The following PACRG variants were observed in gnomAD, a reference collection of about 807,000 sequenced individuals.
The protein encoded by PACRG is parkin coregulated gene protein.
A neutral mutation model predicts 29.7 loss-of-function variants in PACRG; 29 were observed. The observed-to-expected ratio is 0.98, with a 90% CI of 0.73 to 1.33. PACRG has a LOEUF of 1.33. PACRG is among the 40% of genes most tolerant of loss of function. PACRG has a pLI of 0.00. For missense variants in PACRG, 279 were observed against 316.2 expected, an observed-to-expected ratio of 0.88 and a Z score of 0.89; for synonymous variants, 116 against 118.7, an observed-to-expected ratio of 0.98 and a Z score of 0.15.
chr6:163,258,142 G>C (rs924572204), intron 4 of PACRG, among the ~76,000 whole-genome samples: 10 of 151,956 alleles, frequency 6.6e-5, no homozygotes, highest in African/African-American at 2.4e-4. Flanking sequence ...TATCCATTAA[G>C]CACAATATGG....
chr6:162,787,551 ATG>A (rs1440543339), intron 1 of PACRG, among the ~76,000 whole-genome samples: 10 of 130,062 alleles, frequency 7.7e-5, no homozygotes, highest in Non-Finnish European at 1.4e-4. Context: ...GTATATATAT[ATG>A]GTTATTGTGT....
chr6:162,776,939 G>A (rs934606467), intron 1 of PACRG, among the ~76,000 whole-genome samples: 1 of 152,108 alleles, frequency 6.6e-6, no homozygotes, highest in Non-Finnish European at 1.5e-5. Flanking sequence ...GGAAAGGGTG[G>A]CAGGGGGATG....
intron 1 of PACRG, among the ~76,000 whole-genome samples, chr6:162,765,329 A>G (rs4709649): frequency 0.029 from 4,367 of 152,170 alleles, 82 homozygotes; most frequent in South Asian, 0.045. Context: ...ACCCTTGAAA[A>G]CATTTTACTC....
intron 2 of PACRG, among the ~76,000 whole-genome samples, chr6:162,988,389 G>A (rs963139261): frequency 2.0e-5 from 3 of 152,164 alleles, no homozygotes; most frequent in African/African-American, 4.8e-5. Flanking sequence ...TGGGACGCTT[G>A]AGTTGAGGAG....
At chr6:163,207,206 A>G (rs1251159242) in intron 4 of PACRG, among the ~76,000 whole-genome samples, 1 of 152,190 alleles carries the variant, frequency 6.6e-6, no homozygotes, top group Non-Finnish European at 1.5e-5. Context: ...CTTACTAAGA[A>G]AGCAAGCTTT....
chr6:163,050,147 A>G (rs542683987), intron 2 of PACRG, among the ~76,000 whole-genome samples: 1 of 152,172 alleles, frequency 6.6e-6, no homozygotes, highest in African/African-American at 2.4e-5. Context: ...TTTTCTCTCC[A>G]TATTTTTTCC....
At chr6:163,120,910 G>A (rs1392767411) in intron 4 of PACRG, among the ~76,000 whole-genome samples, 1 of 152,128 alleles carries the variant, frequency 6.6e-6, no homozygotes. Context: ...CTAGACCCTA[G>A]CTATACATTC....
intron 3 of PACRG, among the ~76,000 whole-genome samples, chr6:163,085,130 CA>C (rs752615097): frequency 1.3e-5 from 2 of 152,004 alleles, no homozygotes; most frequent in Non-Finnish European, 2.9e-5. Flanking sequence ...TTCATAGTGT[CA>C]ACAGAACAGC....
chr6:163,114,286 A>G (rs2128321118), intron 4 of PACRG, among the ~76,000 whole-genome samples: 1 of 152,336 alleles, frequency 6.6e-6, no homozygotes, highest in South Asian at 2.1e-4. Flanking sequence ...GAAAAGGGTG[A>G]GGGTGCTGTT....
At chr6:162,988,371 G>T (rs954235025) in intron 2 of PACRG, among the ~76,000 whole-genome samples, 2 of 152,190 alleles carry the variant, frequency 1.3e-5, no homozygotes, top group Non-Finnish European at 2.9e-5. Context: ...TTCAGCATAG[G>T]TGAAAGCTGG....
chr6:162,947,510 CTATA>C (rs1363527920), intron 2 of PACRG, among the ~76,000 whole-genome samples: 1 of 105,694 alleles, frequency 9.5e-6, no homozygotes, highest in African/African-American at 3.7e-5. Context: ...TATATATAAT[CTATA>C]TATATAATCA....
intron 4 of PACRG, among the ~76,000 whole-genome samples, chr6:163,287,423 G>A (rs62428019): frequency 1.5e-3 from 225 of 152,106 alleles, no homozygotes; most frequent in African/African-American, 5.2e-3. Context: ...AGCCTTCGCC[G>A]CCACGTTTGT....
At chr6:163,174,616 A>G (rs1173135275) in intron 4 of PACRG, among the ~76,000 whole-genome samples, 2 of 152,262 alleles carry the variant, frequency 1.3e-5, no homozygotes, top group Non-Finnish European at 2.9e-5. Flanking sequence ...TTTAAGGACC[A>G]TCGCAGGAGA....
At chr6:162,883,763 T>G (rs1303143897) in intron 2 of PACRG, among the ~76,000 whole-genome samples, 2 of 151,544 alleles carry the variant, frequency 1.3e-5, no homozygotes, top group Non-Finnish European at 2.9e-5. Context: ...TCTTGAACAA[T>G]GCAGGGGTTA....
At chr6:163,121,208 G>A (rs1366230362) in intron 4 of PACRG, among the ~76,000 whole-genome samples, 1 of 152,108 alleles carries the variant, frequency 6.6e-6, no homozygotes, top group Non-Finnish European at 1.5e-5. Flanking sequence ...TCATTATTTT[G>A]TTGTGAAGAA....
chr6:162,818,435 G>A (rs897349516), intron 2 of PACRG, among the ~76,000 whole-genome samples: 1 of 152,126 alleles, frequency 6.6e-6, no homozygotes, highest in Non-Finnish European at 1.5e-5. Context: ...GGGCACCTGG[G>A]GAGGGAAGAA....
intron 4 of PACRG, among the ~76,000 whole-genome samples, chr6:163,197,438 T>TCTTTTCTTTTCTTTTCTTTTCTTTTC (rs1386673428): frequency 2.8e-5 from 3 of 107,822 alleles, no homozygotes; most frequent in African/African-American, 1.4e-4. Context: ...TCTTTTCTTT[T>TCTTTTCTTTTCTTTTCTTTTCTTTTC]TTTTTTTTTT....
At chr6:163,152,082 A>G (rs1432370273) in intron 4 of PACRG, among the ~76,000 whole-genome samples, 1 of 152,228 alleles carries the variant, frequency 6.6e-6, no homozygotes, top group Non-Finnish European at 1.5e-5. Context: ...CCAATTTGTG[A>G]TAAAAGAATG....
At chr6:162,854,148 G>A (rs1367040106) in intron 2 of PACRG, among the ~76,000 whole-genome samples, 1 of 139,504 alleles carries the variant, frequency 7.2e-6, no homozygotes, top group African/African-American at 2.7e-5. Flanking sequence ...TCTGGGAGAA[G>A]GAGACCATTT....
Sources: allele counts gnomAD v4.1 joint callset (sites outside exome capture counted in the v4.1 genomes callset), GRCh38; gene constraint gnomAD v4.1.1; transcripts MANE v1.5; gene names NCBI Gene and HGNC (gene_info 2026-07-23, HGNC 2026-07-21).